PRKG1: variants seen among roughly 807,000 people sequenced by gnomAD.
The protein encoded by PRKG1 is cGMP-dependent protein kinase 1.
In PRKG1, 35 loss-of-function variants were observed where a neutral mutation model predicts 88.1. The observed-to-expected ratio is 0.40, with a 90% CI of 0.30 to 0.53. PRKG1 has a LOEUF of 0.53. Among genes scored for constraint, PRKG1 ranks in the 20% least tolerant of loss-of-function variants. The probability of loss-of-function intolerance (pLI) is 0.59; values close to 1 mark genes in which losing one functional copy is unlikely to be tolerated. For synonymous variants in PRKG1, 303 were observed against 292.5 expected (o/e 1.04, Z -0.37); for missense variants, 540 against 839.8 (o/e 0.64, Z 4.41).
intron 1 of PRKG1, among the ~76,000 whole-genome samples, chr10:51,051,570 A>G (rs1176929408): frequency 6.6e-6 from 1 of 152,066 alleles, no homozygotes; most frequent in Non-Finnish European, 1.5e-5. Context: ...CTCCAAAGTA[A>G]TTCCTACACG....
intron 1 of PRKG1, among the ~76,000 whole-genome samples, chr10:51,129,850 G>T (rs113638906): frequency 3.5e-4 from 53 of 152,204 alleles, no homozygotes; most frequent in African/African-American, 1.1e-3. Flanking sequence ...ACTCCATAGG[G>T]CCCTGGTCCT....
chr10:51,706,978 A>G (rs1841621712), intron 3 of PRKG1, among the ~76,000 whole-genome samples: 1 of 152,136 alleles, frequency 6.6e-6, no homozygotes, highest in African/African-American at 2.4e-5. Flanking sequence ...GTCTGATGCT[A>G]TTTATTTGGG....
At chr10:51,378,692 C>G (rs867005575) in intron 2 of PRKG1, among the ~76,000 whole-genome samples, 21 of 152,088 alleles carry the variant, frequency 1.4e-4, no homozygotes, top group African/African-American at 5.1e-4. Context: ...ACCTGAGTTT[C>G]AGTCTTGGCA....
intron 4 of PRKG1, among the ~76,000 whole-genome samples, chr10:51,890,777 G>A (rs541182586): frequency 1.3e-5 from 2 of 152,266 alleles, no homozygotes; most frequent in African/African-American, 4.8e-5. Context: ...CCAACATGGG[G>A]AAACCCCTTC....
chr10:51,110,043 A>G (rs533568215), intron 1 of PRKG1, among the ~76,000 whole-genome samples: 21 of 152,280 alleles, frequency 1.4e-4, no homozygotes, highest in African/African-American at 5.0e-4. Context: ...GATTAATATT[A>G]AAAGAATGAT....
chr10:51,383,557 T>C (rs1321753957), intron 2 of PRKG1, among the ~76,000 whole-genome samples: 1 of 152,162 alleles, frequency 6.6e-6, no homozygotes, highest in Non-Finnish European at 1.5e-5. Flanking sequence ...CAAGTACATG[T>C]AGCACATCCT....
chr10:52,247,720 T>C (rs1279697173), intron 9 of PRKG1, among the ~76,000 whole-genome samples: 2 of 152,166 alleles, frequency 1.3e-5, no homozygotes, highest in Non-Finnish European at 2.9e-5. Context: ...TTAAAACAAC[T>C]ATTAATTCAA....
At chr10:51,697,961 C>G in intron 3 of PRKG1, 1 of 1,601,218 alleles carries the variant, frequency 6.2e-7, no homozygotes, top group Non-Finnish European at 8.5e-7. Context: ...TATGCCTGCC[C>G]CCTGCATCCC....
At chr10:51,901,957 G>A (rs74135022) in intron 4 of PRKG1, among the ~76,000 whole-genome samples, 12,384 of 151,984 alleles carry the variant, frequency 0.081, 630 homozygotes, top group African/African-American at 0.13. Context: ...TACTTATGGA[G>A]TACATGTGAT....
intron 2 of PRKG1, among the ~76,000 whole-genome samples, chr10:51,445,978 G>A (rs1839261165): frequency 6.6e-6 from 1 of 151,946 alleles, no homozygotes; most frequent in African/African-American, 2.4e-5. Flanking sequence ...ATGCTTGAAA[G>A]TGGGGGTATG....
rs182821591 is a variant in PRKG1, at chr10:52,174,953, G to A, written c.1076+12990G>A. 4.7e-3 allele frequency among the ~76,000 whole-genome samples: 719 copies of A among 152,044 alleles called. 5 individuals carry two copies. Among genetic ancestry groups the A allele is most frequent in the African/African-American group, 0.016 (678 of 41,540 alleles). ...TAATGTATAGTGATCTGATCAGGGC[G>A]ATTAGCATATTCATCATCTCAAACA... is the stretch of plus-strand genomic sequence containing the variant. On this transcript the variant is annotated intron_variant, in intron 9 of 17. Transcript: ENST00000373980.
At chr10:51,892,642 G>A (rs751739866) in intron 4 of PRKG1, among the ~76,000 whole-genome samples, 3 of 152,196 alleles carry the variant, frequency 2.0e-5, no homozygotes, top group Non-Finnish European at 4.4e-5. Flanking sequence ...AAGTGAGACA[G>A]TATTGCTCCC....
chr10:51,230,453 A>AT (rs1232582951), intron 2 of PRKG1, among the ~76,000 whole-genome samples: 2 of 152,286 alleles, frequency 1.3e-5, no homozygotes, highest in African/African-American at 4.8e-5. Flanking sequence ...CACTAATATA[A>AT]TTTTTTAAAA....
chr10:51,680,767 C>T (rs920356319), intron 3 of PRKG1, among the ~76,000 whole-genome samples: 2 of 152,198 alleles, frequency 1.3e-5, no homozygotes, highest in East Asian at 1.9e-4. Context: ...AGCATATGCT[C>T]AGAGGAACTG....
At chr10:51,713,032 A>G (rs1230473129) in intron 3 of PRKG1, among the ~76,000 whole-genome samples, 1 of 151,990 alleles carries the variant, frequency 6.6e-6, no homozygotes, top group African/African-American at 2.4e-5. Context: ...TAATTTTCCC[A>G]GGGTTATACA....
intron 3 of PRKG1, among the ~76,000 whole-genome samples, chr10:51,755,305 G>C (rs1837830508): frequency 6.6e-6 from 1 of 152,142 alleles, no homozygotes; most frequent in African/African-American, 2.4e-5. Context: ...CTAGAGTACT[G>C]ATGGCTTACT....
At chr10:51,497,506 G>T (rs947360709) in intron 3 of PRKG1, among the ~76,000 whole-genome samples, 3 of 152,178 alleles carry the variant, frequency 2.0e-5, no homozygotes, top group African/African-American at 7.2e-5. Flanking sequence ...TGTGATGCAT[G>T]CTGCAATTAG....
chr10:51,085,401 C>T (rs1844223141), intron 1 of PRKG1, among the ~76,000 whole-genome samples: 1 of 152,080 alleles, frequency 6.6e-6, no homozygotes, highest in Non-Finnish European at 1.5e-5. Context: ...GTGTTGACAA[C>T]TCATTATGTC....
At chr10:51,783,435 C>T (rs1389032105) in intron 3 of PRKG1, among the ~76,000 whole-genome samples, 3 of 152,038 alleles carry the variant, frequency 2.0e-5, no homozygotes, top group Admixed American at 6.6e-5. Context: ...TCCCCCACCA[C>T]GCTCAGCAAA....
Sources: gnomAD v4.1 joint callset for allele counts (sites outside exome capture counted in the v4.1 genomes callset) on GRCh38, gnomAD v4.1.1 for gene constraint, MANE v1.5 for transcripts, NCBI Gene and HGNC (gene_info 2026-07-23, HGNC 2026-07-21) for gene names.